The following RNF17 variants were observed in gnomAD, a reference collection of about 807,000 sequenced individuals.
The protein encoded by RNF17 is spermatogenesis associated 23.
Under a neutral mutation model 200.5 loss-of-function variants are expected in RNF17, and 31 were observed. The ratio of observed to expected loss-of-function variants is 0.15; its 90% CI spans 0.12 to 0.21. RNF17 has a LOEUF of 0.21. RNF17 is among the 10% of genes least tolerant of loss of function. The pLI is 1.00. For synonymous variants in RNF17, 606 were observed against 637.8 expected, an observed-to-expected ratio of 0.95 and a Z score of 0.75; for missense variants, 1,628 against 1,905.1, an observed-to-expected ratio of 0.85 and a Z score of 2.71.
intron 20 of RNF17, among the ~76,000 whole-genome samples, chr13:24,844,192 A>G (rs982433566): frequency 1.3e-5 from 2 of 152,190 alleles, no homozygotes; most frequent in African/African-American, 4.8e-5. Flanking sequence ...CACCTACTAT[A>G]TGATAACCAG....
In RNF17 at chr13:24,866,127, A is replaced by G. The variant is rs780614062; in HGVS notation, c.4102-17A>G. The G allele has an allele frequency of 5.1e-6, 7 of 1,363,252 alleles. No homozygotes were observed. The South Asian group carries it at 8.5e-5, about 17-fold the overall frequency. The allele number at this position is 1,363,252 out of a possible 1,614,324, so 84.4% of individuals were successfully genotyped here. A position where few individuals can be genotyped will look rare whatever the true frequency, so the allele number is the denominator to read the frequency against. ...ATATAGCTAAAGGTGATTTTACTCA[A>G]TACCATATTATTTCAGAAACCAAGA... On this transcript the variant is annotated splice_polypyrimidine_tract_variant and intron_variant, in intron 29 of 35. Transcript: ENST00000255324.
chr13:24,883,326 G>A (rs1296904377), downstream of RNF17: 2 of 1,613,668 alleles, frequency 1.2e-6, no homozygotes, highest in Non-Finnish European at 1.7e-6. Context: ...GCAGTATGTA[G>A]TTCTCTTTGG....
At chr13:24,864,815 TA>T in intron 28 of RNF17, 57 bp from the exon 29 acceptor site, 11 of 1,278,678 alleles carry the variant, frequency 8.6e-6, no homozygotes, top group Non-Finnish European at 7.7e-6. Context: ...TTGCTGACTA[TA>T]AAAATGTCAT....
At chr13:24,791,669 C>T (rs1175289257) in intron 9 of RNF17, among the ~76,000 whole-genome samples, 1 of 152,042 alleles carries the variant, frequency 6.6e-6, no homozygotes, top group Non-Finnish European at 1.5e-5. Context: ...AGAAAAGCAA[C>T]GCATTTGTTA....
chr13:24,797,707 TG>T (rs1434241300), intron 11 of RNF17, among the ~76,000 whole-genome samples: 28 of 138,436 alleles, frequency 2.0e-4, no homozygotes, highest in East Asian at 8.5e-4. Flanking sequence ...AGACAAAGAG[TG>T]TGTGTGTGTG....
intron 2 of RNF17, among the ~76,000 whole-genome samples, chr13:24,773,762 G>C (rs910932406): frequency 6.6e-6 from 1 of 152,202 alleles, no homozygotes; most frequent in Non-Finnish European, 1.5e-5. Flanking sequence ...AGTGAAGTTA[G>C]AGGACATACT....
chr13:24,811,548 T>A (rs1886619880), intron 15 of RNF17, among the ~76,000 whole-genome samples: 1 of 151,590 alleles, frequency 6.6e-6, no homozygotes, highest in Admixed American at 6.6e-5. Flanking sequence ...TTCTTCTAAA[T>A]TTTTTTCAAA....
chr13:24,805,007 C>A (rs1885677546), intron 15 of RNF17, among the ~76,000 whole-genome samples: 1 of 152,086 alleles, frequency 6.6e-6, no homozygotes, highest in East Asian at 1.9e-4. Context: ...TGTGGAGACC[C>A]TAACCACAGA....
chr13:24,792,185 A>G (rs1166871782), intron 9 of RNF17, among the ~76,000 whole-genome samples: 1 of 152,178 alleles, frequency 6.6e-6, no homozygotes, highest in African/African-American at 2.4e-5. Context: ...ACTAAAAACT[A>G]TTCTGCCTCT....
chr13:24,755,389 A>C, the RNF17 span, among the ~76,000 whole-genome samples: 1 of 152,178 alleles, frequency 6.6e-6, no homozygotes, highest in Non-Finnish European at 1.5e-5. Flanking sequence ...CATGATTACA[A>C]ATTTTTCAAA....
chr13:24,825,677 A>C lies in RNF17; in HGVS notation c.2150A>C (p.Glu717Ala). The C allele has an allele frequency of 1.2e-6, 2 of 1,609,816 alleles. No individual in the cohort carries two copies. Among genetic ancestry groups the C allele is most frequent in the Non-Finnish European group, 1.7e-6 (2 of 1,176,216 alleles). ...ACAATCGAGGAATTCTATAAAAGTG[A>C]AGATGGAGAAAATCTGGAAATCCTC... ...LKTIEEFYKSEDGENLEILCP... is the reference protein window; with the variant it reads ...LKTIEEFYKSADGENLEILCP... The change falls in exon 16 of 36, where the codon GAA becomes GCA. Residue 717 changes from glutamate (E) to alanine (A), a missense_variant. Coordinates refer to ENST00000255324, the MANE Select transcript of RNF17 (RefSeq NM_031277.3).
chr13:24,778,322 G>A lies in RNF17; in HGVS notation c.345G>A (p.Lys115=). The change falls in exon 4 of 36, where the codon AAG becomes AAA. Residue 115 remains lysine (K), a synonymous_variant. Transcript: ENST00000255324. ...KTIKNCSQDF[K]KTADQLTTGL... is the part of the protein sequence containing the mutation. ...TAAAGAATTGTTCTCAGGACTTTAAGAAGACTGCTGATCAGCTAACTACTG... is the reference window on the plus strand; with the variant it reads ...TAAAGAATTGTTCTCAGGACTTTAAAAAGACTGCTGATCAGCTAACTACTG... 6.2e-7 allele frequency: 1 copy of A among 1,612,338 alleles called. No homozygotes were observed. Among genetic ancestry groups the A allele is most frequent in the Non-Finnish European group, 8.5e-7 (1 of 1,178,548 alleles).
chr13:24,880,589 A>G (rs1177480958), downstream of RNF17, among the ~76,000 whole-genome samples: 2 of 152,218 alleles, frequency 1.3e-5, no homozygotes, highest in Admixed American at 6.5e-5. Flanking sequence ...GTTGGTATGT[A>G]TAACTCTATT....
At chr13:24,882,404 A>G (rs1953888080), downstream of RNF17, 1 of 152,038 alleles carries the variant, frequency 6.6e-6, no homozygotes, top group Admixed American at 6.6e-5. Context: ...GTAATTATTT[A>G]TTATATAAAT....
the RNF17 span, among the ~76,000 whole-genome samples, chr13:24,749,291 T>TTTTC: frequency 9.6e-4 from 96 of 99,700 alleles, 3 homozygotes; most frequent in South Asian, 1.9e-3. Context: ...GAACTTTCTT[T>TTTTC]TTTCTTTCTT....
At chr13:24,771,323 C>CTTTTTTTTTTTTTTT (rs35220494) in intron 2 of RNF17, among the ~76,000 whole-genome samples, 6 of 78,018 alleles carry the variant, frequency 7.7e-5, no homozygotes, top group African/African-American at 2.8e-4. Context: ...CACAGATAAT[C>CTTTTTTTTTTTTTTT]TTTTTTTTTT....
chr13:24,886,254 G>A, the RNF17 span: 2 of 1,220,728 alleles, frequency 1.6e-6, no homozygotes, highest in African/African-American at 3.1e-5. Flanking sequence ...TCTCGAGCAA[G>A]TGCCAGAATC....
At chr13:24,793,718 T>C (rs1389349677) in intron 10 of RNF17, among the ~76,000 whole-genome samples, 1 of 152,242 alleles carries the variant, frequency 6.6e-6, no homozygotes, top group Non-Finnish European at 1.5e-5. Flanking sequence ...CAATCTTTGT[T>C]GTGAGATTTA....
Position 24,838,279 on chromosome 13 carries a change from T to G in RNF17, c.2483-3762T>G, listed in dbSNP as rs118054282. Among the ~76,000 whole-genome samples the G allele has an allele frequency of 3.6e-3, 544 of 152,258 alleles. 20 individuals carry two copies. The South Asian group carries it at 0.065, about 18-fold the overall frequency. On this transcript the variant is annotated intron_variant, in intron 18 of 35. Transcript: ENST00000255324. Reference sequence around the variant, plus strand: ...CAATCGAAGAATTGGTACTAATCCTTTTGACACTATTCCACAAGGTAGAGA... The same window carrying G: ...CAATCGAAGAATTGGTACTAATCCTGTTGACACTATTCCACAAGGTAGAGA...
Sources: gnomAD v4.1 joint callset for allele counts (sites outside exome capture counted in the v4.1 genomes callset) on GRCh38, gnomAD v4.1.1 for gene constraint, MANE v1.5 for transcripts, NCBI Gene and HGNC (gene_info 2026-07-23, HGNC 2026-07-21) for gene names.